The following NCKAP5 variants were observed in gnomAD, a reference collection of about 807,000 sequenced individuals.
NCKAP5 encodes the protein nck-associated protein 5.
A neutral mutation model predicts 167.0 loss-of-function variants in NCKAP5; 92 were observed. The ratio of observed to expected loss-of-function variants is 0.55; its 90% CI spans 0.47 to 0.66. NCKAP5 has a LOEUF of 0.66. NCKAP5 is among the 30% of genes least tolerant of loss of function. The pLI is 0.00. For missense variants in NCKAP5, 2,378 were observed against 2,315.0 expected (o/e 1.03, Z -0.56); for synonymous variants, 891 against 877.4 (o/e 1.02, Z -0.27).
intron 11 of NCKAP5, among the ~76,000 whole-genome samples, chr2:132,811,963 C>G (rs1263702559): frequency 6.6e-6 from 1 of 152,180 alleles, no homozygotes; most frequent in Non-Finnish European, 1.5e-5. Context: ...CTTCTTCTAC[C>G]CATGTATTTC....
At chr2:132,895,175 CA>C (rs771335652) in intron 8 of NCKAP5, among the ~76,000 whole-genome samples, 36 of 151,542 alleles carry the variant, frequency 2.4e-4, no homozygotes, top group Admixed American at 2.3e-3. Flanking sequence ...ACTAAAAATA[CA>C]AAAAATTAGC....
At chr2:133,180,320 GT>G (rs57925889) in intron 5 of NCKAP5, among the ~76,000 whole-genome samples, 9,158 of 150,820 alleles carry the variant, frequency 0.061, 317 homozygotes, top group African/African-American at 0.089. Flanking sequence ...GATTAAAGAC[GT>G]TTTTTTTTCC....
chr2:133,497,349 A>T (rs1278200995), intron 3 of NCKAP5, among the ~76,000 whole-genome samples: 1 of 152,178 alleles, frequency 6.6e-6, no homozygotes, highest in Non-Finnish European at 1.5e-5. Flanking sequence ...ATACTCCCTT[A>T]ATTACAAGGA....
intron 3 of NCKAP5, among the ~76,000 whole-genome samples, chr2:133,488,703 C>A (rs952230295): frequency 6.6e-6 from 1 of 152,020 alleles, no homozygotes; most frequent in Non-Finnish European, 1.5e-5. Flanking sequence ...GTGGGCGGAT[C>A]ATGAGGTCAA....
intron 5 of NCKAP5, among the ~76,000 whole-genome samples, chr2:133,196,881 G>A (rs2085459057): frequency 6.6e-6 from 1 of 152,130 alleles, no homozygotes; most frequent in African/African-American, 2.4e-5. Context: ...ACTGATGGTG[G>A]CAGCAGAAGG....
At chr2:133,309,008 C>T (rs1186422696) in intron 3 of NCKAP5, among the ~76,000 whole-genome samples, 1 of 151,682 alleles carries the variant, frequency 6.6e-6, no homozygotes, top group Non-Finnish European at 1.5e-5. Context: ...CCGCGCCCGG[C>T]CGAAGAAATA....
At chr2:133,269,894 A>G (rs536752935) in intron 4 of NCKAP5, among the ~76,000 whole-genome samples, 12 of 152,188 alleles carry the variant, frequency 7.9e-5, no homozygotes, top group Non-Finnish European at 1.5e-4. Flanking sequence ...AATTGCTTTG[A>G]ATGTAGAGCC....
intron 11 of NCKAP5, among the ~76,000 whole-genome samples, chr2:132,797,304 T>G (rs1684684997): frequency 6.6e-6 from 1 of 152,236 alleles, no homozygotes; most frequent in South Asian, 2.1e-4. Flanking sequence ...TTTTGTACAT[T>G]AATATTCACG....
intron 6 of NCKAP5, among the ~76,000 whole-genome samples, chr2:133,067,628 T>G (rs1470259220): frequency 6.6e-6 from 1 of 152,188 alleles, no homozygotes; most frequent in Non-Finnish European, 1.5e-5. Context: ...TCATTCAAAA[T>G]AGACTGTCTT....
chr2:133,311,199 C>G (rs1246116163), intron 3 of NCKAP5, among the ~76,000 whole-genome samples: 1 of 152,192 alleles, frequency 6.6e-6, no homozygotes, highest in African/African-American at 2.4e-5. Context: ...AGCTATAAAT[C>G]AGGGTTCCCA....
chr2:132,777,826 T>G (rs1417717490), intron 15 of NCKAP5, among the ~76,000 whole-genome samples: 1 of 152,146 alleles, frequency 6.6e-6, no homozygotes, highest in Non-Finnish European at 1.5e-5. Context: ...GGGATAGTAT[T>G]TGATGCTTTT....
intron 14 of NCKAP5, 143 bp from the exon 15 acceptor site, chr2:132,781,372 GC>G (rs1240740773): frequency 3.0e-6 from 2 of 663,202 alleles, no homozygotes; most frequent in East Asian, 5.8e-5. Flanking sequence ...TTTCTCATGG[GC>G]CTTGATCAAA....
At chr2:133,220,956 G>A (rs550811608) in intron 4 of NCKAP5, among the ~76,000 whole-genome samples, 2 of 152,312 alleles carry the variant, frequency 1.3e-5, no homozygotes, top group South Asian at 4.1e-4. Flanking sequence ...CCTGATGGAA[G>A]AGCAGCAACG....
At chr2:132,864,319 T>G (rs1690169039) in intron 10 of NCKAP5, among the ~76,000 whole-genome samples, 1 of 150,290 alleles carries the variant, frequency 6.7e-6, no homozygotes, top group Non-Finnish European at 1.5e-5. Flanking sequence ...CATGGAGGAA[T>G]AATGCCAAAG....
chr2:133,395,100 G>A (rs1156817821), intron 3 of NCKAP5, among the ~76,000 whole-genome samples: 1 of 152,172 alleles, frequency 6.6e-6, no homozygotes, highest in African/African-American at 2.4e-5. Flanking sequence ...TCTAGGAAAA[G>A]CATTTCTTAT....
chr2:132,707,945 G>A (rs748587574), intron 19 of NCKAP5, among the ~76,000 whole-genome samples: 2 of 152,070 alleles, frequency 1.3e-5, no homozygotes, highest in East Asian at 1.9e-4. Context: ...AGATATACCC[G>A]GGATGATACT....
intron 5 of NCKAP5, among the ~76,000 whole-genome samples, chr2:133,197,598 G>T (rs183495367): frequency 2.0e-5 from 3 of 151,772 alleles, no homozygotes; most frequent in Admixed American, 1.3e-4. Context: ...CACAGATGTT[G>T]GTTTAAAAAA....
intron 2 of NCKAP5, among the ~76,000 whole-genome samples, chr2:133,525,659 C>T (rs114130853): frequency 1.3e-5 from 2 of 152,244 alleles, no homozygotes; most frequent in Non-Finnish European, 2.9e-5. Context: ...TATAATCCAC[C>T]CTTTTAAGTA....
intron 3 of NCKAP5, among the ~76,000 whole-genome samples, chr2:133,398,284 A>G (rs906916330): frequency 6.6e-6 from 1 of 152,218 alleles, no homozygotes; most frequent in African/African-American, 2.4e-5. Context: ...TCACACTGCT[A>G]TGTGATAAAT....
Sources: gnomAD v4.1 joint callset for allele counts (sites outside exome capture counted in the v4.1 genomes callset) on GRCh38, gnomAD v4.1.1 for gene constraint, MANE v1.5 for transcripts, NCBI Gene and HGNC (gene_info 2026-07-23, HGNC 2026-07-21) for gene names.